Variants in HSPG2 observed in about 807,000 individuals in gnomAD.
HSPG2 encodes the protein basement membrane-specific heparan sulfate proteoglycan core protein.
A neutral mutation model predicts 526.6 loss-of-function variants in HSPG2; 278 were observed. The ratio of observed to expected loss-of-function variants is 0.53; its 90% CI spans 0.48 to 0.58. HSPG2 has a LOEUF of 0.58. Ranked by LOEUF, HSPG2 falls within the 20% of genes least tolerant of loss-of-function variation. HSPG2 has a pLI of 0.00. For synonymous variants in HSPG2, 2,465 were observed against 2,555.4 expected, an observed-to-expected ratio of 0.96 and a Z score of 1.07; for missense variants, 5,354 against 6,099.5, an observed-to-expected ratio of 0.88 and a Z score of 4.07.
At chr1:21,870,752 C>G (rs1202533000) in intron 33 of HSPG2, 1 of 813,922 alleles carries the variant, frequency 1.2e-6, no homozygotes, top group Non-Finnish European at 1.5e-6. Context: ...CACTGCGCAT[C>G]TCCCCACGCA....
intron 87 of HSPG2, 134 bp downstream of exon 87, chr1:21,829,249 A>T: frequency 7.4e-7 from 1 of 1,349,440 alleles, no homozygotes. Flanking sequence ...AGTGACACAG[A>T]GACGAAATGC....
Position 21,847,229 on chromosome 1 carries a change from C to T in HSPG2, c.8164+125G>A. The T allele has an allele frequency of 9.5e-7, 1 of 1,049,096 alleles. No homozygotes were observed. The highest frequency in any genetic ancestry group is 1.5e-6 in the Non-Finnish European group (1 of 686,366). The allele number at this position is 1,049,096 out of a possible 1,614,324, so 65.0% of individuals were successfully genotyped here. On this transcript the variant is annotated intron_variant, in intron 62 of 96. Transcript: ENST00000374695. The surrounding 1 kb of genome is among the most constrained non-coding windows in gnomAD (Gnocchi z 4.1). ...AAATGGGGTAGCCGTAGCCACTGAA[C>T]CCACGCATCTTTCCGCTGGCCCTTG...
chr1:21,854,074 T>C, intron 50 of HSPG2, 119 bp downstream of exon 50: 1 of 1,174,088 alleles, frequency 8.5e-7, no homozygotes, highest in South Asian at 1.6e-5. Context: ...GAGCAGGCGC[T>C]GAAGGGTCAA....
intron 1 of HSPG2, among the ~76,000 whole-genome samples, chr1:21,900,579 T>A (rs1643043203): frequency 6.6e-6 from 1 of 151,950 alleles, no homozygotes; most frequent in Admixed American, 6.6e-5. Context: ...AGGAAAGGAC[T>A]AAGAACGGAG....
intron 1 of HSPG2, among the ~76,000 whole-genome samples, chr1:21,907,199 G>C (rs1245016801): frequency 1.3e-5 from 2 of 152,202 alleles, no homozygotes; most frequent in African/African-American, 4.8e-5. Flanking sequence ...AAAGTCTGGA[G>C]GTACCTGTGC....
intron 74 of HSPG2, among the ~76,000 whole-genome samples, chr1:21,838,511 C>G (rs1311105558): frequency 6.6e-6 from 1 of 152,252 alleles, no homozygotes; most frequent in African/African-American, 2.4e-5. Context: ...GGTCCAGGCC[C>G]TGCCCTGAGC....
chr1:21,879,715 C>T (rs920444391), intron 17 of HSPG2, among the ~76,000 whole-genome samples: 5 of 151,954 alleles, frequency 3.3e-5, no homozygotes, highest in South Asian at 2.1e-4. Flanking sequence ...TGCAGGGGCA[C>T]GGTCTTGGCC....
rs754815327 is a variant in HSPG2 at position 21,822,635 on chromosome 1, G to A, written c.*681C>T. 50 of 197,284 alleles carry A rather than the reference G, an allele frequency of 2.5e-4. No homozygotes were observed. Among genetic ancestry groups the A allele is most frequent in the Non-Finnish European group, 3.7e-4 (35 of 95,224 alleles). The allele number at this position is 197,284 out of a possible 1,614,324, so 12.2% of individuals were successfully genotyped here. On this transcript the variant is annotated 3_prime_UTR_variant, in exon 97 of 97. Coordinates refer to ENST00000374695, the MANE Select transcript of HSPG2 (RefSeq NM_005529.7). ...AGCAGCTCCTGGTAAGAGTTGGGGT[G>A]GGCCTTCCCTTACAGCCCCTGAGGG...
intron 1 of HSPG2, among the ~76,000 whole-genome samples, chr1:21,934,929 C>T (rs1161899539): frequency 6.9e-6 from 1 of 145,538 alleles, no homozygotes; most frequent in Non-Finnish European, 1.5e-5. Context: ...TGTTTTGAGG[C>T]GGAGTCTCAC....
intron 1 of HSPG2, among the ~76,000 whole-genome samples, chr1:21,924,738 G>A (rs1030045948): frequency 2.6e-5 from 4 of 151,986 alleles, no homozygotes; most frequent in Non-Finnish European, 5.9e-5. Flanking sequence ...CAACCTTAAC[G>A]ACTCTGGCAG....
Position 21,878,683 on chromosome 1 carries a change from AGG to A in HSPG2, c.2472-22_2472-21del. The A allele has an allele frequency of 1.9e-6, 3 of 1,606,994 alleles. No individual in the cohort carries two copies. The highest frequency in any genetic ancestry group is 1.1e-5 in the South Asian group (1 of 90,952). On this transcript the variant is annotated intron_variant, in intron 18 of 96. Transcript: ENST00000374695. The stretch of plus-strand genomic sequence containing the variant: ...GAGAATCTGCAGGTATCAAGTGGAC[AGG>A]GCATGGGGCAGGGCTGGGGTCAGGC...
intron 2 of HSPG2, 84 bp downstream of exon 2, chr1:21,896,091 G>GTCACCCTCC: frequency 6.2e-7 from 1 of 1,606,094 alleles, no homozygotes; most frequent in Non-Finnish European, 8.5e-7. Context: ...GGAATGGTCG[G>GTCACCCTCC]TCACCCTCCT....
At chr1:21,870,743 A>G in intron 33 of HSPG2, 5 of 737,388 alleles carry the variant, frequency 6.8e-6, no homozygotes, top group Non-Finnish European at 8.3e-6. Flanking sequence ...TGCCTTGGGC[A>G]CTGCGCATCT....
At chr1:21,924,767 C>T (rs9426786) in intron 1 of HSPG2, among the ~76,000 whole-genome samples, 34,892 of 152,042 alleles carry the variant, frequency 0.23, 4,516 homozygotes, top group East Asian at 0.43. Flanking sequence ...TGTCTTCCTG[C>T]TCTTGCACAT....
chr1:21,911,190 T>G (rs1408838041), intron 1 of HSPG2, among the ~76,000 whole-genome samples: 1 of 152,204 alleles, frequency 6.6e-6, no homozygotes, highest in Non-Finnish European at 1.5e-5. Context: ...GAACCAAAGA[T>G]GTGACTCTGT....
chr1:21,866,437 G>T (rs1012125957), intron 33 of HSPG2, among the ~76,000 whole-genome samples: 1 of 152,200 alleles, frequency 6.6e-6, no homozygotes, highest in African/African-American at 2.4e-5. Flanking sequence ...CCCCATCAGG[G>T]ATAGACAAGT....
rs1341573395 is a variant in HSPG2, at chr1:21,834,836, T to C, written c.10563A>G (p.Thr3521=). The change falls in exon 77 of 97, where the codon ACA becomes ACG. Residue 3521 remains threonine, a synonymous_variant. Transcript: ENST00000374695. ...LALGDPKPQV[T]WSKVGGHLRP... ...GCAGGTGCCCTCCAACTTTGCTCCA[T>C]GTCACCTGAGGCTTGGGGTCACCCA... The C allele has an allele frequency of 2.5e-6, 4 of 1,614,220 alleles. No homozygotes were observed. The highest frequency in any genetic ancestry group is 3.4e-6 in the Non-Finnish European group (4 of 1,180,026).
intron 1 of HSPG2, among the ~76,000 whole-genome samples, chr1:21,918,244 C>G (rs1488946164): frequency 6.6e-6 from 1 of 152,156 alleles, no homozygotes. Context: ...GCAGGCGGAT[C>G]ACCTGAGGTC....
chr1:21,930,454 C>G (rs1569702484), intron 1 of HSPG2, among the ~76,000 whole-genome samples: 2 of 152,196 alleles, frequency 1.3e-5, no homozygotes, highest in Non-Finnish European at 2.9e-5. Context: ...AGGAATCTGA[C>G]ATTTTTATTC....
Sources: allele counts gnomAD v4.1 joint callset (sites outside exome capture counted in the v4.1 genomes callset), GRCh38; gene constraint gnomAD v4.1.1; non-coding constraint Gnocchi (gnomAD v3.1); transcripts MANE v1.5; gene names NCBI Gene and HGNC (gene_info 2026-07-23, HGNC 2026-07-21).